The following FRY variants were observed in gnomAD, a reference collection of about 807,000 sequenced individuals.
FRY encodes the protein FRY microtubule binding protein, also known as protein furry homolog.
A neutral mutation model predicts 348.4 loss-of-function variants in FRY; 128 were observed. That is an observed-to-expected ratio of 0.37 (90% CI 0.32 to 0.43). The LOEUF (loss-of-function observed/expected upper bound fraction) is 0.43, where lower values mean the gene tolerates loss of function less well. Ranked by LOEUF, FRY falls within the 20% of genes least tolerant of loss-of-function variation. The pLI is 1.00. For synonymous variants in FRY, 1,370 were observed against 1,374.7 expected (o/e 1.00, Z 0.08); for missense variants, 2,736 against 3,695.2 (o/e 0.74, Z 6.73).
Position 32,031,842 on chromosome 13 carries a change from A to G in FRY, c.47A>G (p.Tyr16Cys). 1 of 1,589,846 alleles carries G rather than the reference A, an allele frequency of 6.3e-7. No homozygotes were observed. Among genetic ancestry groups the G allele is most frequent in the Non-Finnish European group, 8.6e-7 (1 of 1,159,150 alleles). The change falls in exon 1 of 61, where the codon TAT becomes TGT. Residue 16 changes from tyrosine (Y) to cysteine (C), a missense_variant. Transcript: ENST00000542859. ...DSGFFEISIK[Y>C]LLKSWSNTSP... Reference sequence around the variant, plus strand: ...GGCTTCTTTGAGATCAGTATCAAATATTTACTGAAATCCTGGAGTAATAGT... The same window carrying G: ...GGCTTCTTTGAGATCAGTATCAAATGTTTACTGAAATCCTGGAGTAATAGT...
At chr13:32,257,691 G>T (rs1274886483) in intron 51 of FRY, among the ~76,000 whole-genome samples, 1 of 152,202 alleles carries the variant, frequency 6.6e-6, no homozygotes, top group East Asian at 1.9e-4. Flanking sequence ...GAGGTAGAAA[G>T]CTATTTCAGA....
intron 31 of FRY, among the ~76,000 whole-genome samples, chr13:32,204,762 T>C (rs377512380): frequency 7.9e-5 from 12 of 152,362 alleles, no homozygotes; most frequent in African/African-American, 2.9e-4. Flanking sequence ...AAATTAATTC[T>C]CTTCTTGCAA....
At chr13:32,281,258 C>T (rs564987407) in intron 58 of FRY, among the ~76,000 whole-genome samples, 204 of 152,312 alleles carry the variant, frequency 1.3e-3, no homozygotes, top group Middle Eastern at 3.4e-3. Flanking sequence ...TCCTTTACAA[C>T]AGTCCTTTGA....
chr13:32,032,429 A>T (rs1303369844), intron 1 of FRY, among the ~76,000 whole-genome samples: 1 of 152,210 alleles, frequency 6.6e-6, no homozygotes, highest in African/African-American at 2.4e-5. Flanking sequence ...TCCCTCTTCC[A>T]TGTGGATGAT....
chr13:32,157,444 AC>A (rs766582977), intron 16 of FRY, 39 bp downstream of exon 16: 2 of 1,582,636 alleles, frequency 1.3e-6, no homozygotes, highest in East Asian at 4.5e-5. Context: ...TGAAAGATTA[AC>A]CAGAAAACAC....
At chr13:32,225,995 G>A (rs892848102) in intron 39 of FRY, 21 bp downstream of exon 39, 2 of 1,608,152 alleles carry the variant, frequency 1.2e-6, no homozygotes, top group African/African-American at 2.7e-5. Flanking sequence ...AGGACTGGTA[G>A]AGAGCCTAGG....
intron 14 of FRY, among the ~76,000 whole-genome samples, chr13:32,153,060 G>C (rs1880898399): frequency 1.3e-5 from 2 of 152,088 alleles, no homozygotes; most frequent in Non-Finnish European, 2.9e-5. Context: ...AGATGTACTG[G>C]GGAAGATAAA....
intron 51 of FRY, 93 bp from the exon 52 acceptor site, chr13:32,261,523 A>G (rs558771360): frequency 5.6e-6 from 6 of 1,072,910 alleles, no homozygotes; most frequent in East Asian, 2.4e-5. Context: ...AATAATGACA[A>G]TATTTGTTCC....
Position 32,202,541 on chromosome 13 carries a change from G to T in FRY, c.4018+14G>T, listed in dbSNP as rs754502922. 6 of 1,593,328 alleles carry T rather than the reference G, an allele frequency of 3.8e-6. No individual in the cohort carries two copies. In the Admixed American group the frequency reaches 1.0e-4, roughly 27 times the overall value. On this transcript the variant is annotated intron_variant, in intron 31 of 60. Transcript: ENST00000542859. ...CCCTCTTCTCAGGTACCAGGCAATAGTCAATAATGACATATGTGATCATTT... is the reference window on the plus strand; with the variant it reads ...CCCTCTTCTCAGGTACCAGGCAATATTCAATAATGACATATGTGATCATTT...
chr13:32,064,457 A>C (rs138591565), intron 1 of FRY, among the ~76,000 whole-genome samples: 1 of 150,658 alleles, frequency 6.6e-6, no homozygotes, highest in African/African-American at 2.4e-5. Context: ...TCACTTTGCA[A>C]TTATAGTCCT....
intron 17 of FRY, among the ~76,000 whole-genome samples, chr13:32,166,848 G>A (rs992641563): frequency 6.6e-6 from 1 of 152,096 alleles, no homozygotes; most frequent in African/African-American, 2.4e-5. Context: ...TTTATAACCA[G>A]CTGAGCCTTC....
At chr13:32,260,377 A>G (rs1887565447) in intron 51 of FRY, among the ~76,000 whole-genome samples, 1 of 146,060 alleles carries the variant, frequency 6.8e-6, no homozygotes, top group South Asian at 2.2e-4. Context: ...CAGTCAGCTG[A>G]GTAATATTTT....
intron 2 of FRY, among the ~76,000 whole-genome samples, chr13:32,093,109 C>T (rs1876442297): frequency 6.6e-6 from 1 of 152,186 alleles, no homozygotes; most frequent in South Asian, 2.1e-4. Flanking sequence ...CCTGAACCTT[C>T]CCCTGATATT....
intron 35 of FRY, 151 bp downstream of exon 35, chr13:32,212,533 T>C: frequency 1.5e-6 from 1 of 648,664 alleles, no homozygotes; most frequent in Non-Finnish European, 2.8e-6. Context: ...TTTCCAACTC[T>C]ACTCAGTATA....
In FRY at chr13:32,096,275, TAC is replaced by T. The variant is rs532725616; in HGVS notation, c.271-5686_271-5685del. Among the ~76,000 whole-genome samples, 299 of 152,296 alleles carry T rather than the reference TAC, an allele frequency of 2.0e-3. No homozygotes were observed. The Middle Eastern group carries it at 0.02, about 10-fold the overall frequency. On this transcript the variant is annotated intron_variant, in intron 2 of 60. Coordinates refer to ENST00000542859, the MANE Select transcript of FRY (RefSeq NM_023037.3). Reference sequence around the variant, plus strand: ...TCGCAAAGCTATCTTTCCAAATGCATACAGTTATAGTCAGCCATTTAACACAC... The same window carrying T: ...TCGCAAAGCTATCTTTCCAAATGCATAGTTATAGTCAGCCATTTAACACAC...
At chr13:32,171,306 T>C (rs79175340) in intron 18 of FRY, 36 bp downstream of exon 18, 1 of 173,974 alleles carries the variant, frequency 5.7e-6, no homozygotes, top group South Asian at 1.0e-4. Flanking sequence ...TTTATATTCT[T>C]TTTTTTTTTT....
At chr13:32,130,776 T>A (rs940498360) in intron 7 of FRY, among the ~76,000 whole-genome samples, 1 of 152,006 alleles carries the variant, frequency 6.6e-6, no homozygotes, top group African/African-American at 2.4e-5. Context: ...AGCCCATTCA[T>A]CTTTACCTTT....
chr13:32,202,879 G>T (rs1167761914), intron 31 of FRY, among the ~76,000 whole-genome samples: 1 of 151,400 alleles, frequency 6.6e-6, no homozygotes, highest in Non-Finnish European at 1.5e-5. Context: ...AACCCAGGAG[G>T]CAGAGTTTGC....
chr13:32,246,353 C>T (rs1304803002), intron 47 of FRY, among the ~76,000 whole-genome samples: 1 of 152,186 alleles, frequency 6.6e-6, no homozygotes, highest in Non-Finnish European at 1.5e-5. Flanking sequence ...GGCACACAGT[C>T]TGATTGGAGG....
Sources: allele counts gnomAD v4.1 joint callset (sites outside exome capture counted in the v4.1 genomes callset), GRCh38; gene constraint gnomAD v4.1.1; transcripts MANE v1.5; gene names NCBI Gene and HGNC (gene_info 2026-07-23, HGNC 2026-07-21).